DOK6: variants seen among roughly 807,000 people sequenced by gnomAD.
DOK6 encodes the protein downstream of tyrosine kinase 6.
DOK6 carries 22 observed loss-of-function variants against 44.0 expected under a neutral mutation model. That is an observed-to-expected ratio of 0.50 (90% CI 0.36 to 0.71). DOK6 has a LOEUF of 0.71. Ranked by LOEUF, DOK6 falls within the 30% of genes least tolerant of loss-of-function variation. DOK6 has a pLI of 0.00. For synonymous variants in DOK6, 166 were observed against 145.5 expected, an observed-to-expected ratio of 1.14 and a Z score of -1.01; for missense variants, 340 against 416.4, an observed-to-expected ratio of 0.82 and a Z score of 1.60.
intron 1 of DOK6, among the ~76,000 whole-genome samples, chr18:69,423,239 C>G (rs1438709188): frequency 2.0e-5 from 3 of 152,122 alleles, no homozygotes; most frequent in African/African-American, 7.2e-5. Context: ...GAGATCTAAG[C>G]TGTAGTGAGC....
At chr18:69,698,323 G>A in intron 4 of DOK6, 81 bp from the exon 5 acceptor site, 1 of 1,305,650 alleles carries the variant, frequency 7.7e-7, no homozygotes. Flanking sequence ...GCAGTCTGTA[G>A]ATAAACAAAT....
Position 69,617,465 on chromosome 18 carries a change from G to A in DOK6, c.289+17967G>A, listed in dbSNP as rs1480091449. On this transcript the variant is annotated intron_variant, in intron 3 of 7. Transcript: ENST00000382713. ...GGGAGAGAGGGAGGAAGGAAGGAAG[G>A]AAAAAGACAGCAATAGGAGAAAAGA... 5.8e-5 allele frequency among the ~76,000 whole-genome samples: 8 copies of A among 137,748 alleles called. 1 individual carries two copies. The East Asian group carries it at 1.7e-3, about 29-fold the overall frequency. The allele number at this position is 137,748 out of a possible 152,430, so 90.4% of individuals were successfully genotyped here. A position where few individuals can be genotyped will look rare whatever the true frequency, so the allele number is the denominator to read the frequency against.
At chr18:69,523,697 G>A (rs1981750928) in intron 1 of DOK6, among the ~76,000 whole-genome samples, 1 of 150,590 alleles carries the variant, frequency 6.6e-6, no homozygotes, top group African/African-American at 2.4e-5. Context: ...TTGTCTCTTT[G>A]GTGTTATTTA....
chr18:69,481,278 G>A (rs1980413007), intron 1 of DOK6, among the ~76,000 whole-genome samples: 1 of 151,928 alleles, frequency 6.6e-6, no homozygotes. Context: ...TGATGTGCAG[G>A]TTTGTTACAT....
chr18:69,829,254 TA>T (rs34565909), intron 7 of DOK6, among the ~76,000 whole-genome samples: 82,173 of 148,420 alleles, frequency 0.55, 23,932 homozygotes, highest in East Asian at 0.69. Context: ...GTTCCTTAAT[TA>T]AAAAAAAAAA....
At chr18:69,564,293 A>T (rs1341225919) in intron 1 of DOK6, among the ~76,000 whole-genome samples, 194 bp from the exon 2 acceptor site, 1 of 152,194 alleles carries the variant, frequency 6.6e-6, no homozygotes, top group African/African-American at 2.4e-5. Context: ...CTCAAAACGA[A>T]ATCTTTTCAC....
intron 7 of DOK6, among the ~76,000 whole-genome samples, chr18:69,777,031 T>A (rs934411371): frequency 6.7e-6 from 1 of 149,326 alleles, no homozygotes; most frequent in East Asian, 2.0e-4. Flanking sequence ...TTAGGAGGTA[T>A]ACCTAATGCT....
intron 1 of DOK6, among the ~76,000 whole-genome samples, chr18:69,478,597 A>T (rs1016297411): frequency 2.6e-5 from 4 of 152,178 alleles, no homozygotes; most frequent in Non-Finnish European, 4.4e-5. Context: ...CCATTGTAAG[A>T]TTAGTGTTGT....
At chr18:69,594,165 GT>G (rs1287962442) in intron 2 of DOK6, among the ~76,000 whole-genome samples, 4 of 148,526 alleles carry the variant, frequency 2.7e-5, no homozygotes, top group Non-Finnish European at 4.5e-5. Context: ...CTCAGGAACT[GT>G]AAGACATTGA....
At chr18:69,437,714 A>G (rs997452789) in intron 1 of DOK6, among the ~76,000 whole-genome samples, 31 of 152,196 alleles carry the variant, frequency 2.0e-4, no homozygotes, top group African/African-American at 7.5e-4. Flanking sequence ...AAGAAACTCA[A>G]TGGTAGCTTG....
chr18:69,806,872 T>C (rs1282402184), intron 7 of DOK6, among the ~76,000 whole-genome samples: 1 of 152,006 alleles, frequency 6.6e-6, no homozygotes, highest in East Asian at 1.9e-4. Flanking sequence ...CATGTATTCA[T>C]ATGGAAAGTA....
chr18:69,406,224 C>T (rs558752053), intron 1 of DOK6, among the ~76,000 whole-genome samples: 86 of 152,266 alleles, frequency 5.6e-4, no homozygotes, highest in South Asian at 5.4e-3. Context: ...TCTACCCAAT[C>T]CCTATATTTT....
At chr18:69,686,124 T>C (rs1205631963) in intron 4 of DOK6, among the ~76,000 whole-genome samples, 2 of 151,796 alleles carry the variant, frequency 1.3e-5, no homozygotes, top group African/African-American at 4.8e-5. Flanking sequence ...GAAAACCATA[T>C]AAAGATATAG....
At chr18:69,552,089 A>G (rs976074424) in intron 1 of DOK6, among the ~76,000 whole-genome samples, 3 of 152,190 alleles carry the variant, frequency 2.0e-5, no homozygotes, top group African/African-American at 7.2e-5. Flanking sequence ...TTAAAAAATC[A>G]CTTTCCTGGA....
At chr18:69,560,475 C>G (rs1181979158) in intron 1 of DOK6, among the ~76,000 whole-genome samples, 14 of 151,886 alleles carry the variant, frequency 9.2e-5, no homozygotes, top group African/African-American at 3.1e-4. Flanking sequence ...ACAAATATTC[C>G]AAACTACTGT....
chr18:69,784,872 A>G (rs1188569789), intron 7 of DOK6, among the ~76,000 whole-genome samples: 1 of 152,146 alleles, frequency 6.6e-6, no homozygotes, highest in Admixed American at 6.6e-5. Context: ...TGACTTTACT[A>G]TGTTTTTTAT....
intron 4 of DOK6, among the ~76,000 whole-genome samples, chr18:69,686,809 T>C (rs1297993119): frequency 6.6e-6 from 1 of 152,166 alleles, no homozygotes; most frequent in East Asian, 1.9e-4. Context: ...TTTTCTTAGA[T>C]TGAGTTAAAA....
chr18:69,698,368 T>TGCAAAAAAAA, intron 4 of DOK6, 36 bp from the exon 5 acceptor site: 1 of 1,564,848 alleles, frequency 6.4e-7, no homozygotes. Flanking sequence ...CACACCTCTT[T>TGCAAAAAAAA]TCACTTAACC....
intron 1 of DOK6, among the ~76,000 whole-genome samples, chr18:69,448,452 A>T (rs558958298): frequency 6.6e-6 from 1 of 151,878 alleles, no homozygotes; most frequent in African/African-American, 2.4e-5. Flanking sequence ...GCTCACTGCA[A>T]CCTCTGCCTC....
Sources: allele counts gnomAD v4.1 joint callset (sites outside exome capture counted in the v4.1 genomes callset), GRCh38; gene constraint gnomAD v4.1.1; transcripts MANE v1.5; gene names NCBI Gene and HGNC (gene_info 2026-07-23, HGNC 2026-07-21).